The following CEP85L variants were observed in gnomAD, a reference collection of about 807,000 sequenced individuals.
CEP85L encodes the protein centrosomal protein of 85 kDa-like.
A neutral mutation model predicts 100.3 loss-of-function variants in CEP85L; 60 were observed. That is an observed-to-expected ratio of 0.60 (90% confidence interval 0.49 to 0.74). CEP85L has a LOEUF of 0.74. CEP85L is among the 30% of genes least tolerant of loss of function. The pLI, the probability that CEP85L is intolerant of heterozygous loss-of-function variation, is 0.00. For missense variants in CEP85L, 973 were observed against 936.2 expected, an observed-to-expected ratio of 1.04 and a Z score of -0.51; for synonymous variants, 319 against 322.7, an observed-to-expected ratio of 0.99 and a Z score of 0.12.
intron 5 of CEP85L, among the ~76,000 whole-genome samples, chr6:118,494,960 G>C (rs1283191118): frequency 6.6e-6 from 1 of 152,078 alleles, no homozygotes; most frequent in Non-Finnish European, 1.5e-5. Context: ...CGTAAGTGTA[G>C]AGATAAAAAT....
chr6:118,574,002 T>A (rs887739815), intron 2 of CEP85L: 2 of 152,250 alleles, frequency 1.3e-5, no homozygotes, highest in African/African-American at 4.8e-5. Flanking sequence ...TAAAGCAAGA[T>A]GAAAAGCTGG....
intron 5 of CEP85L, among the ~76,000 whole-genome samples, chr6:118,507,848 T>C (rs970159278): frequency 5.3e-5 from 8 of 152,158 alleles, no homozygotes; most frequent in Admixed American, 1.3e-4. Context: ...TCTATGTTCA[T>C]AGCTGGGGTT....
At chr6:118,546,513 T>C (rs1325471976) in intron 3 of CEP85L, among the ~76,000 whole-genome samples, 1 of 152,172 alleles carries the variant, frequency 6.6e-6, no homozygotes, top group Non-Finnish European at 1.5e-5. Flanking sequence ...GCAGACTTTC[T>C]AAAACTATTA....
At chr6:118,582,156 C>T (rs1420880924) in intron 2 of CEP85L, among the ~76,000 whole-genome samples, 1 of 152,148 alleles carries the variant, frequency 6.6e-6, no homozygotes, top group Non-Finnish European at 1.5e-5. Context: ...TCAGCTCCTC[C>T]AGCTCCACTA....
At chr6:118,642,629 T>G (rs1274162259) in intron 1 of CEP85L, among the ~76,000 whole-genome samples, 1 of 152,154 alleles carries the variant, frequency 6.6e-6, no homozygotes, top group Non-Finnish European at 1.5e-5. Flanking sequence ...ATAGGCTTTC[T>G]TGGGTTGGGC....
intron 2 of CEP85L, among the ~76,000 whole-genome samples, chr6:118,590,263 G>A (rs918163034): frequency 6.6e-6 from 1 of 152,146 alleles, no homozygotes; most frequent in Admixed American, 6.5e-5. Flanking sequence ...GATAGGACAA[G>A]GGGTCCTTGG....
chr6:118,682,762 C>A (rs1776707208), intron 1 of CEP85L, among the ~76,000 whole-genome samples: 2 of 107,126 alleles, frequency 1.9e-5, no homozygotes, highest in Non-Finnish European at 3.8e-5. Context: ...TGCATGCATG[C>A]CTGAGCATGC....
chr6:118,585,947 T>C (rs1167757496), intron 2 of CEP85L, among the ~76,000 whole-genome samples: 2 of 152,162 alleles, frequency 1.3e-5, no homozygotes, highest in Admixed American at 6.5e-5. Context: ...AGCATTTCCA[T>C]GTTGTACAGA....
intron 2 of CEP85L, among the ~76,000 whole-genome samples, chr6:118,608,568 A>T (rs894057234): frequency 5.9e-5 from 9 of 152,082 alleles, no homozygotes; most frequent in African/African-American, 2.2e-4. Flanking sequence ...TATGATTTTT[A>T]AAAGAAATCA....
intron 2 of CEP85L, among the ~76,000 whole-genome samples, chr6:118,621,435 C>T (rs1036629097): frequency 7.9e-5 from 12 of 152,182 alleles, no homozygotes; most frequent in African/African-American, 2.9e-4. Flanking sequence ...CTACAGACCA[C>T]ACATCCCGAC....
At chr6:118,572,467 G>C (rs1779958170) in intron 2 of CEP85L, among the ~76,000 whole-genome samples, 1 of 152,008 alleles carries the variant, frequency 6.6e-6, no homozygotes, top group African/African-American at 2.4e-5. Flanking sequence ...AGCTACTTGG[G>C]AGGCTGAGGC....
At chr6:118,505,440 T>C (rs62424196) in intron 5 of CEP85L, among the ~76,000 whole-genome samples, 1 of 65,978 alleles carries the variant, frequency 1.5e-5, no homozygotes, top group Non-Finnish European at 3.7e-5. Context: ...AAAAAAAAAG[T>C]TAACACAGAT....
At chr6:118,702,345 T>C (rs1020383505) in intron 1 of CEP85L, among the ~76,000 whole-genome samples, 3 of 151,846 alleles carry the variant, frequency 2.0e-5, no homozygotes, top group Non-Finnish European at 4.4e-5. Flanking sequence ...ACCCCATCTC[T>C]ACAAAATATA....
At chr6:118,650,706 C>A (rs1235557357) in intron 1 of CEP85L, among the ~76,000 whole-genome samples, 1 of 152,194 alleles carries the variant, frequency 6.6e-6, no homozygotes, top group African/African-American at 2.4e-5. Context: ...CGGCTGCGGG[C>A]GTGGGCACAG....
At chr6:118,486,840 T>C (rs964526432) in intron 6 of CEP85L, among the ~76,000 whole-genome samples, 2 of 152,128 alleles carry the variant, frequency 1.3e-5, no homozygotes, top group Admixed American at 6.6e-5. Flanking sequence ...CACTCTAACA[T>C]CTTTGATCTC....
chr6:118,595,373 T>C (rs1781411033), intron 2 of CEP85L, among the ~76,000 whole-genome samples: 1 of 152,196 alleles, frequency 6.6e-6, no homozygotes, highest in Non-Finnish European at 1.5e-5. Flanking sequence ...AGTGTCTCAA[T>C]TTAGCATTAT....
rs941333897 is a variant in CEP85L, at chr6:118,481,708, T to G, written c.1745+71A>C. Reference sequence around the variant, plus strand: ...AGGAGAATAAAATAAAAATTATAAATTAATTTAAGTAAAATGTTTTATGAA... The same window carrying G: ...AGGAGAATAAAATAAAAATTATAAAGTAATTTAAGTAAAATGTTTTATGAA... On this transcript the variant is annotated intron_variant, in intron 8 of 12. Transcript: ENST00000368491. 7 of 907,070 alleles carry G rather than the reference T, an allele frequency of 7.7e-6. No individual in the cohort carries two copies. In the Admixed American group the frequency reaches 2.5e-4, roughly 33 times the overall value. The allele number at this position is 907,070 out of a possible 1,614,324, so 56.2% of individuals were successfully genotyped here.
At chr6:118,699,321 G>A (rs567562909) in intron 1 of CEP85L, among the ~76,000 whole-genome samples, 25 of 152,132 alleles carry the variant, frequency 1.6e-4, no homozygotes, top group African/African-American at 6.0e-4. Flanking sequence ...CGAGCATGGT[G>A]GCACGTCCCT....
intron 2 of CEP85L, among the ~76,000 whole-genome samples, chr6:118,586,510 C>T (rs1368574765): frequency 2.0e-5 from 3 of 152,108 alleles, no homozygotes; most frequent in Admixed American, 6.5e-5. Context: ...AAGGGCCTCA[C>T]ACTGTTCTTC....
Sources: gnomAD v4.1 joint callset for allele counts (sites outside exome capture counted in the v4.1 genomes callset) on GRCh38, gnomAD v4.1.1 for gene constraint, MANE v1.5 for transcripts, NCBI Gene and HGNC (gene_info 2026-07-23, HGNC 2026-07-21) for gene names.